Variants in FKTN observed in about 807,000 individuals in gnomAD.
FKTN encodes fukutin.
A neutral mutation model predicts 58.6 loss-of-function variants in FKTN; 47 were observed. That is an observed-to-expected ratio of 0.80 (90% CI 0.63 to 1.02). The LOEUF is 1.02. FKTN is among the 50% of genes least tolerant of loss of function. FKTN has a pLI of 0.00. For missense variants in FKTN, 516 were observed against 537.3 expected (o/e 0.96, Z 0.39); for synonymous variants, 178 against 191.9 (o/e 0.93, Z 0.60).
chr9:105,610,346 G>T (rs757039530), intron 7 of FKTN, among the ~76,000 whole-genome samples: 1 of 151,922 alleles, frequency 6.6e-6, no homozygotes, highest in Non-Finnish European at 1.5e-5. Flanking sequence ...ATTTATTTCT[G>T]TATCTATCTA....
chr9:105,598,552 A>AC (rs1191541447), intron 4 of FKTN: 1 of 152,392 alleles, frequency 6.6e-6, no homozygotes, highest in African/African-American at 2.4e-5. Flanking sequence ...CTTTTCAACA[A>AC]GATGTTTTTC....
intron 7 of FKTN, among the ~76,000 whole-genome samples, chr9:105,609,143 C>T (rs1216365132): frequency 6.6e-6 from 1 of 152,054 alleles, no homozygotes; most frequent in Non-Finnish European, 1.5e-5. Context: ...AGAAAAGATC[C>T]AGTAGGGTCA....
At chr9:105,566,175 T>C (rs1406010395) in intron 1 of FKTN, among the ~76,000 whole-genome samples, 2 of 152,136 alleles carry the variant, frequency 1.3e-5, no homozygotes, top group African/African-American at 4.8e-5. Flanking sequence ...TTTATAGCAC[T>C]AAATGCCCAC....
At position 105,635,148 on chromosome 9, in the gene FKTN, G is replaced by A. The variant is rs752358445; in HGVS notation, c.1270G>A (p.Gly424Ser). Residue 424 changes from glycine (G) to serine (S), a missense_variant, in exon 11 of 11, where the codon GGT (glycine) becomes AGT (serine). Transcript: ENST00000357998. ...ETLEYIEANY[G>S]KTWKIPVKTW... ...CCTCGAATACATTGAAGCCAACTATGGTAAGACCTGGAAGATTCCTGTAAA... is the reference window on the plus strand; with the variant it reads ...CCTCGAATACATTGAAGCCAACTATAGTAAGACCTGGAAGATTCCTGTAAA... 2.5e-6 allele frequency: 4 copies of A among 1,613,880 alleles called. No individual in the cohort carries two copies. Among genetic ancestry groups the A allele is most frequent in the Admixed American group, 1.7e-5 (1 of 60,002 alleles).
chr9:105,612,702 C>T (rs1239555178), intron 7 of FKTN, among the ~76,000 whole-genome samples: 6 of 152,160 alleles, frequency 3.9e-5, no homozygotes, highest in Non-Finnish European at 5.9e-5. Flanking sequence ...CCATGGCTCA[C>T]GCCTGTAATC....
At chr9:105,565,673 G>C (rs1057403921) in intron 1 of FKTN, among the ~76,000 whole-genome samples, 1 of 152,090 alleles carries the variant, frequency 6.6e-6, no homozygotes, top group African/African-American at 2.4e-5. Flanking sequence ...CCTACAAAGA[G>C]ACTTAGACTC....
chr9:105,575,180 A>G (rs902435776), intron 3 of FKTN, 43 bp downstream of exon 3: 5 of 1,080,662 alleles, frequency 4.6e-6, no homozygotes, highest in African/African-American at 1.6e-5. Context: ...CTTTCTTATC[A>G]TTGTATATTT....
intron 7 of FKTN, among the ~76,000 whole-genome samples, chr9:105,611,325 G>A (rs1282872126): frequency 1.3e-5 from 2 of 151,970 alleles, no homozygotes; most frequent in Non-Finnish European, 2.9e-5. Flanking sequence ...ATTTGTACTT[G>A]GGATTTATTT....
intron 4 of FKTN, 38 bp from the exon 5 acceptor site, chr9:105,601,107 C>A: frequency 1.7e-6 from 2 of 1,170,552 alleles, no homozygotes; most frequent in Non-Finnish European, 2.5e-6. Context: ...GTTGTGTTGG[C>A]TTACTGGAAT....
Position 105,635,144 on chromosome 9 carries a change from C to CTATG in FKTN, c.1267_1270dup (p.Gly424ValfsTer3). On this transcript the variant is annotated frameshift_variant, in exon 11 of 11. Coordinates refer to ENST00000357998, the MANE Select transcript of FKTN (RefSeq NM_001079802.2). LOFTEE classifies it high-confidence loss of function. Reference sequence around the variant, plus strand: ...AAACCCTCGAATACATTGAAGCCAACTATGGTAAGACCTGGAAGATTCCTG... The same window carrying CTATG: ...AAACCCTCGAATACATTGAAGCCAACTATGTATGGTAAGACCTGGAAGATTCCTG... 1 of 1,614,000 alleles carries CTATG rather than the reference C, an allele frequency of 6.2e-7. No individual in the cohort carries two copies. Among genetic ancestry groups the CTATG allele is most frequent in the Non-Finnish European group, 8.5e-7 (1 of 1,179,892 alleles).
intron 3 of FKTN, among the ~76,000 whole-genome samples, chr9:105,586,157 C>T (rs1376686833): frequency 6.6e-6 from 1 of 152,148 alleles, no homozygotes; most frequent in African/African-American, 2.4e-5. Context: ...TTAGACAAGC[C>T]TAGCTTTTCT....
At chr9:105,562,525 T>G (rs1402964118) in intron 1 of FKTN, among the ~76,000 whole-genome samples, 1 of 152,232 alleles carries the variant, frequency 6.6e-6, no homozygotes, top group African/African-American at 2.4e-5. Flanking sequence ...ATATAAATCC[T>G]GTGTCCTCTG....
intron 3 of FKTN, among the ~76,000 whole-genome samples, chr9:105,581,140 A>G (rs1170180820): frequency 6.7e-6 from 1 of 149,252 alleles, no homozygotes; most frequent in African/African-American, 2.5e-5. Flanking sequence ...GAGTAATTTG[A>G]TCGTCTGAAG....
In FKTN at chr9:105,641,083, T is replaced by G. The variant is rs1014645215; in HGVS notation, c.*5819T>G. ...TCAGAATTTGTAATATATAATCCAG[T>G]TTGGGATGATGAATAAAATTTTTCT... On this transcript the variant is annotated 3_prime_UTR_variant, in exon 11 of 11. Coordinates refer to ENST00000357998, the MANE Select transcript of FKTN (RefSeq NM_001079802.2). 2.0e-5 allele frequency: 3 copies of G among 152,240 alleles called. No individual in the cohort carries two copies. Among genetic ancestry groups the G allele is most frequent in the African/African-American group, 7.2e-5 (3 of 41,472 alleles). 9.4% of individuals were successfully genotyped at this position (152,240 alleles called of 1,614,324 possible). A position where few individuals can be genotyped will look rare whatever the true frequency, so the allele number is the denominator to read the frequency against.
At chr9:105,564,664 G>A (rs1421523394) in intron 1 of FKTN, among the ~76,000 whole-genome samples, 1 of 152,298 alleles carries the variant, frequency 6.6e-6, no homozygotes, top group South Asian at 2.1e-4. Context: ...GACCAAATCT[G>A]CGTCCGATTG....
At chr9:105,578,308 G>C (rs867917290) in intron 3 of FKTN, among the ~76,000 whole-genome samples, 2 of 148,346 alleles carry the variant, frequency 1.3e-5, no homozygotes, top group African/African-American at 5.0e-5. Flanking sequence ...CTGTGGGTTT[G>C]TCATAGATAG....
At chr9:105,602,061 C>T (rs1827962698) in intron 5 of FKTN, among the ~76,000 whole-genome samples, 1 of 152,136 alleles carries the variant, frequency 6.6e-6, no homozygotes, top group African/African-American at 2.4e-5. Context: ...AATATAAACC[C>T]ATACTATGAA....
chr9:105,635,521 G>C lies in FKTN; in HGVS notation c.*257G>C. 7.4e-7 allele frequency: 1 copy of C among 1,347,564 alleles called. No individual in the cohort carries two copies. 83.5% of individuals were successfully genotyped at this position (1,347,564 alleles called of 1,614,324 possible). On this transcript the variant is annotated 3_prime_UTR_variant, in exon 11 of 11. Transcript: ENST00000357998. Reference sequence around the variant, plus strand: ...ACCTACTTCTTTTATTCCTCCTTTTGGTAAACAACTCAATTTTCCTTTGAG... The same window carrying C: ...ACCTACTTCTTTTATTCCTCCTTTTCGTAAACAACTCAATTTTCCTTTGAG...
At chr9:105,600,799 C>A in intron 4 of FKTN, 1 of 181,608 alleles carries the variant, frequency 5.5e-6, no homozygotes, top group Non-Finnish European at 1.2e-5. Context: ...TTTTTAAGCA[C>A]CACATTTTCA....
Sources: gnomAD v4.1 joint callset for allele counts (sites outside exome capture counted in the v4.1 genomes callset) on GRCh38, gnomAD v4.1.1 for gene constraint, MANE v1.5 for transcripts, NCBI Gene and HGNC (gene_info 2026-07-23, HGNC 2026-07-21) for gene names.